RAB15: variants seen among roughly 807,000 people sequenced by gnomAD.
RAB15 encodes RAB15, member RAS oncogene family, also known as ras-related protein Rab-15.
RAB15 carries 13 observed loss-of-function variants against 31.8 expected under a neutral mutation model. The ratio of observed to expected loss-of-function variants is 0.41; its 90% CI spans 0.27 to 0.65. The LOEUF is 0.65. RAB15 is among the 30% of genes least tolerant of loss of function. RAB15 has a pLI of 0.32. For missense variants in RAB15, 220 were observed against 277.3 expected, an observed-to-expected ratio of 0.79 and a Z score of 1.47; for synonymous variants, 100 against 105.6, an observed-to-expected ratio of 0.95 and a Z score of 0.33.
At chr14:64,967,599 T>C (rs1165669214) in intron 1 of RAB15, among the ~76,000 whole-genome samples, 3 of 143,248 alleles carry the variant, frequency 2.1e-5, no homozygotes, top group East Asian at 2.0e-4. Context: ...AAAAAAAAAA[T>C]AGAAAAGAAA....
chr14:64,969,644 G>A (rs1887323462), intron 1 of RAB15, among the ~76,000 whole-genome samples: 2 of 152,188 alleles, frequency 1.3e-5, no homozygotes, highest in Non-Finnish European at 2.9e-5. Context: ...GTCAGAAGCG[G>A]AGGAAGAAAT....
chr14:64,949,480 G>T (rs968186476), intron 5 of RAB15, among the ~76,000 whole-genome samples: 2 of 152,136 alleles, frequency 1.3e-5, no homozygotes, highest in African/African-American at 4.8e-5. Context: ...CAGCACTTTG[G>T]GAGACTGAGG....
rs776475291 is a variant in RAB15, at chr14:64,952,574, G to A, written c.125-3C>T. The A allele has an allele frequency of 1.3e-6, 2 of 1,596,932 alleles. No individual in the cohort carries two copies. The highest frequency in any genetic ancestry group is 1.3e-5 in the African/African-American group (1 of 74,234). ...GGTCTTCATCTTAAAGTCAACACCT[G>A]AAGAAAGGAAGAAAGAAAGAAAGTT... is the stretch of plus-strand genomic sequence containing the variant. On this transcript the variant is annotated splice_polypyrimidine_tract_variant and splice_region_variant and intron_variant, in intron 1 of 6. Transcript: ENST00000533601. The surrounding 1 kb of genome is among the most constrained non-coding windows in gnomAD (Gnocchi z 4.2).
At chr14:64,964,701 G>C (rs1181387315) in intron 1 of RAB15, among the ~76,000 whole-genome samples, 1 of 151,310 alleles carries the variant, frequency 6.6e-6, no homozygotes, top group Non-Finnish European at 1.5e-5. Flanking sequence ...TCAGCCTCCC[G>C]AGTAGCTAGG....
In RAB15 at chr14:64,968,701, A is replaced by G. The variant is rs77734124; in HGVS notation, c.124+3252T>C. Among the ~76,000 whole-genome samples the G allele has an allele frequency of 0.012, 1,837 of 152,336 alleles. 14 individuals are homozygous for G. Among genetic ancestry groups the G allele is most frequent in the Non-Finnish European group, 0.019 (1,285 of 68,030 alleles). The stretch of plus-strand genomic sequence containing the variant: ...CTGTGGGCAGAAAACGTAGACTGCA[A>G]TATGTCTCTAAAATGCCTGGCACAG... On this transcript the variant is annotated intron_variant, in intron 1 of 6. Transcript: ENST00000533601. The surrounding 1 kb of genome is among the most constrained non-coding windows in gnomAD (Gnocchi z 4.9).
Position 64,971,922 on chromosome 14 carries a change from G to T in RAB15, c.124+31C>A. ...CGGGGAAAGGGGCCGCGGGCGGGGA[G>T]GGAGGGGCGCCCCGGGCCACCGCCC... On this transcript the variant is annotated intron_variant, in intron 1 of 6. Transcript: ENST00000533601. The surrounding 1 kb of genome is among the most constrained non-coding windows in gnomAD (Gnocchi z 4.1). The T allele has an allele frequency of 6.5e-7, 1 of 1,544,160 alleles. No homozygotes were observed.
rs941158377 is a variant in RAB15, at chr14:64,971,162, T to C, written c.124+791A>G. 3.3e-5 allele frequency among the ~76,000 whole-genome samples: 5 copies of C among 152,186 alleles called. No individual in the cohort carries two copies. Among genetic ancestry groups the C allele is most frequent in the Admixed American group, 6.5e-5 (1 of 15,282 alleles). ...ACTGACTGTCTCAGAGGGGAGGCCA[T>C]GGACCCATTCCTAGAATAAGTGACC... is the stretch of plus-strand genomic sequence containing the variant. On this transcript the variant is annotated intron_variant, in intron 1 of 6. Coordinates refer to ENST00000533601, the MANE Select transcript of RAB15 (RefSeq NM_001308154.2). This position sits in a 1 kb window ranked among gnomAD's most constrained non-coding sequence, Gnocchi z 4.1.
rs762799909 is a variant in RAB15 at position 64,972,031 on chromosome 14, C to G, written c.46G>C (p.Asp16His). ...AGGCAGGTCTTGCCCACCCCGGAGT[C>G]CCCGATCAGCAGCAGCCGGAACAGC... ...DVLFRLLLIGDSGVGKTCLLC... is the reference protein window; with the variant it reads ...DVLFRLLLIGHSGVGKTCLLC... Residue 16 changes from aspartate (D) to histidine (H), a missense_variant, in exon 1 of 7, where the codon GAC (aspartate) becomes CAC (histidine). By Grantham distance (81) the Asp-to-His change is moderately conservative (BLOSUM62 -1). Transcript: ENST00000533601. This position sits in a 1 kb window ranked among gnomAD's most constrained non-coding sequence, Gnocchi z 6.3. 1 of 1,610,412 alleles carries G rather than the reference C, an allele frequency of 6.2e-7. No homozygotes were observed. Among genetic ancestry groups the G allele is most frequent in the Non-Finnish European group, 8.5e-7 (1 of 1,178,642 alleles).
At chr14:64,961,430 C>CT (rs1182853143) in intron 1 of RAB15, among the ~76,000 whole-genome samples, 1 of 152,200 alleles carries the variant, frequency 6.6e-6, no homozygotes. Context: ...GGGGTCAGTG[C>CT]TTTAGACTAA....
rs1335472359 is a variant in RAB15, at chr14:64,951,274, G to A, written c.247-123C>T. ...TCCCATTCTCCCTGCTCAGCATCCAGAAATATCTCTTCTCTCAGACCCCAC... is the reference window on the plus strand; with the variant it reads ...TCCCATTCTCCCTGCTCAGCATCCAAAAATATCTCTTCTCTCAGACCCCAC... On this transcript the variant is annotated intron_variant, in intron 3 of 6. Coordinates refer to ENST00000533601, the MANE Select transcript of RAB15 (RefSeq NM_001308154.2). The surrounding 1 kb of genome is among the most constrained non-coding windows in gnomAD (Gnocchi z 7.2). The A allele has an allele frequency of 6.3e-6, 5 of 790,338 alleles. No individual in the cohort carries two copies. The highest frequency in any genetic ancestry group is 1.7e-5 in the African/African-American group (1 of 58,432). The allele number at this position is 790,338 out of a possible 1,614,324, so 49.0% of individuals were successfully genotyped here. A position where few individuals can be genotyped will look rare whatever the true frequency, so the allele number is the denominator to read the frequency against.
Position 64,948,521 on chromosome 14 carries a change from C to A in RAB15, c.481-9G>T. 1 of 1,603,928 alleles carries A rather than the reference C, an allele frequency of 6.2e-7. No homozygotes were observed. Among genetic ancestry groups the A allele is most frequent in the East Asian group, 2.2e-5 (1 of 44,782 alleles). ...GTCAGACGCGTGAATGACTGGAAACCAAAGGGCACAGGTTAGTCCAGTGTC... is the reference window on the plus strand; with the variant it reads ...GTCAGACGCGTGAATGACTGGAAACAAAAGGGCACAGGTTAGTCCAGTGTC... On this transcript the variant is annotated splice_polypyrimidine_tract_variant and intron_variant, in intron 6 of 6. Coordinates refer to ENST00000533601, the MANE Select transcript of RAB15 (RefSeq NM_001308154.2). The surrounding 1 kb of genome is among the most constrained non-coding windows in gnomAD (Gnocchi z 7.0).
In RAB15 at chr14:64,968,623, CTT is replaced by C. The variant is rs1372133950; in HGVS notation, c.124+3328_124+3329del. 6.6e-6 allele frequency among the ~76,000 whole-genome samples: 1 copy of C among 152,178 alleles called. No individual in the cohort carries two copies. Among genetic ancestry groups the C allele is most frequent in the Non-Finnish European group, 1.5e-5 (1 of 68,030 alleles). On this transcript the variant is annotated intron_variant, in intron 1 of 6. Coordinates refer to ENST00000533601, the MANE Select transcript of RAB15 (RefSeq NM_001308154.2). The surrounding 1 kb of genome is among the most constrained non-coding windows in gnomAD (Gnocchi z 4.9). Reference sequence around the variant, plus strand: ...CAGATATCTCATTTTGGCACTAGCTCTTTGTTTTTTGTTTTTCCCTTTGTCTT... The same window carrying C: ...CAGATATCTCATTTTGGCACTAGCTCTGTTTTTTGTTTTTCCCTTTGTCTT...
At position 64,950,556 on chromosome 14, in the gene RAB15, C is replaced by T; in HGVS notation, c.325-142G>A. 1 of 745,746 alleles carries T rather than the reference C, an allele frequency of 1.3e-6. No homozygotes were observed. The highest frequency in any genetic ancestry group is 2.4e-6 in the Non-Finnish European group (1 of 423,210). The allele number at this position is 745,746 out of a possible 1,614,324, so 46.2% of individuals were successfully genotyped here. On this transcript the variant is annotated intron_variant, in intron 4 of 6. Coordinates refer to ENST00000533601, the MANE Select transcript of RAB15 (RefSeq NM_001308154.2). The surrounding 1 kb of genome is among the most constrained non-coding windows in gnomAD (Gnocchi z 5.6). The stretch of plus-strand genomic sequence containing the variant: ...GGGCCGACTGGATGCAGGTGCCAGG[C>T]TCCCCCAAGTGCCATGGCTGACCTC...
intron 1 of RAB15, among the ~76,000 whole-genome samples, chr14:64,960,909 C>T (rs915768816): frequency 3.9e-5 from 6 of 152,180 alleles, no homozygotes; most frequent in African/African-American, 1.4e-4. Context: ...GCTACAACCT[C>T]AATTCTGGCA....
rs1412300208 is a variant in RAB15 at position 64,972,330 on chromosome 14, G to A, written c.-254C>T. On this transcript the variant is annotated 5_prime_UTR_variant, in exon 1 of 7. Coordinates refer to ENST00000533601, the MANE Select transcript of RAB15 (RefSeq NM_001308154.2). This position sits in a 1 kb window ranked among gnomAD's most constrained non-coding sequence, Gnocchi z 6.3. Reference sequence around the variant, plus strand: ...TCGGCTGGGCTGGCGCGAGGCGGTGGGAGGAGAAACCGGCGGCGGCCCCTG... The same window carrying A: ...TCGGCTGGGCTGGCGCGAGGCGGTGAGAGGAGAAACCGGCGGCGGCCCCTG... The A allele has an allele frequency of 6.5e-6, 1 of 153,198 alleles. No homozygotes were observed. Among genetic ancestry groups the A allele is most frequent in the African/African-American group, 2.4e-5 (1 of 41,274 alleles). The allele number at this position is 153,198 out of a possible 1,614,324, so 9.5% of individuals were successfully genotyped here. A position where few individuals can be genotyped will look rare whatever the true frequency, so the allele number is the denominator to read the frequency against.
intron 1 of RAB15, among the ~76,000 whole-genome samples, chr14:64,964,865 G>A (rs375913202): frequency 5.8e-4 from 88 of 152,004 alleles, no homozygotes; most frequent in East Asian, 1.2e-3. Context: ...GTGAGCCACC[G>A]CACCCAGCCA....
Position 64,945,843 on chromosome 14 carries a change from A to C in RAB15, c.*2511T>G, listed in dbSNP as rs569950409. ...GTTTGAAATAATCTTTATTTTGTAA[A>C]CATCTGTGTTTAAAATAGATGAACC... On this transcript the variant is annotated 3_prime_UTR_variant, in exon 7 of 7. Transcript: ENST00000533601. 2 of 152,738 alleles carry C rather than the reference A, an allele frequency of 1.3e-5. No individual in the cohort carries two copies. The highest frequency in any genetic ancestry group is 3.9e-4 in the East Asian group (2 of 5,182). The allele number at this position is 152,738 out of a possible 1,614,324, so 9.5% of individuals were successfully genotyped here.
rs759695376 is a variant in RAB15 at position 64,948,331 on chromosome 14, G to A, written c.*23C>T. Reference sequence around the variant, plus strand: ...GGCCTCCTGAGGGAAGAGGGGTGTCGTGTGGGGTGCCCCACACAGGACTCA... The same window carrying A: ...GGCCTCCTGAGGGAAGAGGGGTGTCATGTGGGGTGCCCCACACAGGACTCA... On this transcript the variant is annotated 3_prime_UTR_variant, in exon 7 of 7. Transcript: ENST00000533601. The surrounding 1 kb of genome is among the most constrained non-coding windows in gnomAD (Gnocchi z 7.0). 22 of 1,492,400 alleles carry A rather than the reference G, an allele frequency of 1.5e-5. No individual in the cohort carries two copies. Among genetic ancestry groups the A allele is most frequent in the Admixed American group, 1.4e-4 (6 of 42,836 alleles). The allele number at this position is 1,492,400 out of a possible 1,614,324, so 92.4% of individuals were successfully genotyped here.
rs1198088315 is a variant in RAB15, at chr14:64,958,387, G to A, written c.125-5816C>T. On this transcript the variant is annotated intron_variant, in intron 1 of 6. Coordinates refer to ENST00000533601, the MANE Select transcript of RAB15 (RefSeq NM_001308154.2). The surrounding 1 kb of genome is among the most constrained non-coding windows in gnomAD (Gnocchi z 4.4). Reference sequence around the variant, plus strand: ...GTTCCCTCTTCTGCCATGTGAGGATGGAGCTAGAAGGTGCCACCTTTGTCA... The same window carrying A: ...GTTCCCTCTTCTGCCATGTGAGGATAGAGCTAGAAGGTGCCACCTTTGTCA... Among the ~76,000 whole-genome samples the A allele has an allele frequency of 6.6e-6, 1 of 152,128 alleles. No homozygotes were observed. Among genetic ancestry groups the A allele is most frequent in the Non-Finnish European group, 1.5e-5 (1 of 68,028 alleles).
Sources: allele counts gnomAD v4.1 joint callset (sites outside exome capture counted in the v4.1 genomes callset), GRCh38; gene constraint gnomAD v4.1.1; non-coding constraint Gnocchi (gnomAD v3.1); transcripts MANE v1.5; gene names NCBI Gene and HGNC (gene_info 2026-07-23, HGNC 2026-07-21).